Variants in IL1RAP observed in about 807,000 individuals in gnomAD.
The protein encoded by IL1RAP is interleukin 1 receptor accessory protein.
IL1RAP carries 35 observed loss-of-function variants against 60.7 expected under a neutral mutation model. That is an observed-to-expected ratio of 0.58 (90% CI 0.44 to 0.76). The LOEUF is 0.76. Ranked by LOEUF, IL1RAP falls within the 30% of genes least tolerant of loss-of-function variation. The probability of loss-of-function intolerance (pLI) is 0.00; values close to 1 mark genes in which losing one functional copy is unlikely to be tolerated. For missense variants in IL1RAP, 572 were observed against 693.9 expected (o/e 0.82, Z 1.97); for synonymous variants, 268 against 250.9 (o/e 1.07, Z -0.64).
chr3:190,636,548 T>A (rs1733242273), intron 9 of IL1RAP, among the ~76,000 whole-genome samples: 1 of 152,018 alleles, frequency 6.6e-6, no homozygotes, highest in African/African-American at 2.4e-5. Context: ...TAATTAATTT[T>A]TTTTTGGTAG....
chr3:190,622,857 C>T (rs945805835), intron 6 of IL1RAP, among the ~76,000 whole-genome samples: 29 of 152,116 alleles, frequency 1.9e-4, no homozygotes, highest in Non-Finnish European at 1.9e-4. Flanking sequence ...GCCACACTCC[C>T]AAACTTCCAG....
At position 190,575,187 on chromosome 3, in the gene IL1RAP, TC is replaced by T. The variant is rs200437559; in HGVS notation, c.64+10835del. 3.9e-3 allele frequency among the ~76,000 whole-genome samples: 590 copies of T among 152,332 alleles called. 8 individuals carry two copies. The Middle Eastern group carries it at 0.051, about 13-fold the overall frequency. On this transcript the variant is annotated intron_variant, in intron 3 of 11. Transcript: ENST00000447382. Reference sequence around the variant, plus strand: ...GATGTGAAACCCAGTTCAGCATATGTCTCCTGGGCACCTGTTATGTGCAGAC... The same window carrying T: ...GATGTGAAACCCAGTTCAGCATATGTTCCTGGGCACCTGTTATGTGCAGAC...
Position 190,627,367 on chromosome 3 carries a change from A to G in IL1RAP, c.820A>G (p.Met274Val). The G allele has an allele frequency of 6.2e-7, 1 of 1,611,160 alleles. No homozygotes were observed. ...CTGTACGGTCTATTTTAGTTTTCTG[A>G]TGGATTCTCGCAATGAGGTTTGGTG... is the stretch of plus-strand genomic sequence containing the variant. Reference protein sequence around the residue: ...IPCTVYFSFLMDSRNEVWWTI... With the variant: ...IPCTVYFSFLVDSRNEVWWTI... Residue 274 changes from methionine to valine, a missense_variant, in exon 8 of 12, where the codon ATG becomes GTG. By Grantham distance (21) the Met-to-Val change is conservative. Transcript: ENST00000447382.
At chr3:190,545,908 G>A (rs1164434611) in intron 1 of IL1RAP, among the ~76,000 whole-genome samples, 2 of 152,134 alleles carry the variant, frequency 1.3e-5, no homozygotes, top group Non-Finnish European at 2.9e-5. Flanking sequence ...AACTTTGTGA[G>A]TGACAGAGTG....
chr3:190,643,245 A>C (rs990249098), intron 9 of IL1RAP, among the ~76,000 whole-genome samples: 1 of 152,210 alleles, frequency 6.6e-6, no homozygotes, highest in Non-Finnish European at 1.5e-5. Context: ...ATTTTATTCT[A>C]TAAAAGCTTA....
At chr3:190,551,652 C>T (rs1476500247) in intron 1 of IL1RAP, among the ~76,000 whole-genome samples, 2 of 152,180 alleles carry the variant, frequency 1.3e-5, no homozygotes, top group African/African-American at 4.8e-5. Flanking sequence ...GAGTCCTGTA[C>T]ATTTTTCTTT....
intron 3 of IL1RAP, among the ~76,000 whole-genome samples, chr3:190,580,121 T>A (rs1300990109): frequency 6.6e-6 from 1 of 152,216 alleles, no homozygotes; most frequent in Non-Finnish European, 1.5e-5. Context: ...TCAAGGTAAC[T>A]CTATGCTTAA....
At chr3:190,596,114 C>A (rs980642819) in intron 3 of IL1RAP, among the ~76,000 whole-genome samples, 2 of 152,222 alleles carry the variant, frequency 1.3e-5, no homozygotes, top group Non-Finnish European at 2.9e-5. Context: ...AAAGTAATTC[C>A]ACTTTAGGTC....
intron 1 of IL1RAP, among the ~76,000 whole-genome samples, chr3:190,554,378 C>T (rs1477962198): frequency 6.6e-6 from 1 of 152,180 alleles, no homozygotes; most frequent in Non-Finnish European, 1.5e-5. Flanking sequence ...GAGGCAGGCT[C>T]CTCCCCCCTG....
chr3:190,597,507 C>T (rs1044426438), intron 3 of IL1RAP, among the ~76,000 whole-genome samples: 3 of 152,140 alleles, frequency 2.0e-5, no homozygotes, highest in Non-Finnish European at 2.9e-5. Flanking sequence ...GCTACCTTTT[C>T]AACAGTTTCT....
chr3:190,633,501 TC>T (rs1732961876), intron 9 of IL1RAP, among the ~76,000 whole-genome samples: 1 of 151,802 alleles, frequency 6.6e-6, no homozygotes, highest in African/African-American at 2.4e-5. Flanking sequence ...CGATTACAGG[TC>T]CCCACTACCA....
downstream of IL1RAP, among the ~76,000 whole-genome samples, chr3:190,651,733 C>T (rs141996273): frequency 6.6e-6 from 1 of 151,978 alleles, no homozygotes; most frequent in Non-Finnish European, 1.5e-5. Context: ...ATGAATTGTT[C>T]CAGAATACTA....
chr3:190,571,197 A>G (rs1234428421), intron 3 of IL1RAP, among the ~76,000 whole-genome samples: 2 of 151,988 alleles, frequency 1.3e-5, no homozygotes, highest in African/African-American at 4.8e-5. Flanking sequence ...TTTTTTCCTA[A>G]TTACTTACCC....
At chr3:190,654,598 T>G (rs937448918), downstream of IL1RAP, among the ~76,000 whole-genome samples, 1 of 152,168 alleles carries the variant, frequency 6.6e-6, no homozygotes, top group South Asian at 2.1e-4. Context: ...TTAAATCCAC[T>G]GATTGAAAAA....
intron 3 of IL1RAP, among the ~76,000 whole-genome samples, chr3:190,601,266 G>C (rs369741340): frequency 1.8e-4 from 27 of 152,306 alleles, no homozygotes; most frequent in African/African-American, 5.8e-4. Flanking sequence ...TTACAGGCGT[G>C]AGCCACCATG....
At chr3:190,581,414 G>A (rs1727986629) in intron 3 of IL1RAP, among the ~76,000 whole-genome samples, 1 of 152,164 alleles carries the variant, frequency 6.6e-6, no homozygotes, top group Non-Finnish European at 1.5e-5. Flanking sequence ...ACACTTGGCA[G>A]GTAGGTAAGC....
intron 1 of IL1RAP, chr3:190,550,343 G>C (rs1415038578): frequency 6.6e-6 from 1 of 152,092 alleles, no homozygotes; most frequent in Non-Finnish European, 1.5e-5. Flanking sequence ...CTTTCCTAGG[G>C]CTTTGACCTG....
At chr3:190,574,838 A>G (rs1281123113) in intron 3 of IL1RAP, among the ~76,000 whole-genome samples, 1 of 152,190 alleles carries the variant, frequency 6.6e-6, no homozygotes, top group African/African-American at 2.4e-5. Context: ...AATAACTGTC[A>G]CTTGGGCTCA....
intron 1 of IL1RAP, among the ~76,000 whole-genome samples, chr3:190,536,041 T>C (rs1282784189): frequency 2.6e-5 from 4 of 152,214 alleles, no homozygotes; most frequent in African/African-American, 7.2e-5. Flanking sequence ...CCAGAACCTA[T>C]TGAAATACGT....
Sources: allele counts gnomAD v4.1 joint callset (sites outside exome capture counted in the v4.1 genomes callset), GRCh38; gene constraint gnomAD v4.1.1; transcripts MANE v1.5; gene names NCBI Gene and HGNC (gene_info 2026-07-23, HGNC 2026-07-21).